Variants in SCAF11 observed in about 807,000 individuals in gnomAD.
SCAF11 encodes SR-related CTD associated factor 11.
SCAF11 carries 47 observed loss-of-function variants against 140.5 expected under a neutral mutation model. The ratio of observed to expected loss-of-function variants is 0.33; its 90% CI spans 0.26 to 0.43. SCAF11 has a LOEUF of 0.43. Ranked by LOEUF, SCAF11 falls within the 20% of genes least tolerant of loss-of-function variation. The pLI, the probability that SCAF11 is intolerant of heterozygous loss-of-function variation, is 1.00. For missense variants in SCAF11, 1,645 were observed against 1,705.1 expected, an observed-to-expected ratio of 0.96 and a Z score of 0.62; for synonymous variants, 557 against 579.4, an observed-to-expected ratio of 0.96 and a Z score of 0.55.
Position 45,933,189 on chromosome 12 carries a change from G to T in SCAF11, c.676C>A (p.Gln226Lys). ...EASEISALIRQKRHELELSWF... is the reference protein window; with the variant it reads ...EASEISALIRKKRHELELSWF... ...GACAATTCCAGTTCATGTCTCTTCT[G>T]CCTAATCAATGCACTGATTTCACTG... is the stretch of plus-strand genomic sequence containing the variant. Residue 226 changes from glutamine (Q) to lysine (K), a missense_variant, in exon 9 of 15, where the codon CAG becomes AAG. Physicochemically the swap from Gln to Lys is moderately conservative, Grantham distance 53. This residue lies in a region of SCAF11 where 1,582 missense variants were observed against 1,609.2 expected (regional missense o/e 0.98). Coordinates refer to ENST00000369367, the MANE Select transcript of SCAF11 (RefSeq NM_004719.3). The T allele has an allele frequency of 6.2e-7, 1 of 1,611,454 alleles. No homozygotes were observed. The highest frequency in any genetic ancestry group is 1.1e-5 in the South Asian group (1 of 90,940).
At chr12:45,989,702 A>G (rs1946543305) in intron 1 of SCAF11, among the ~76,000 whole-genome samples, 1 of 152,244 alleles carries the variant, frequency 6.6e-6, no homozygotes. Context: ...CAGCCCAGGT[A>G]GCGAATTTAA....
At chr12:45,986,062 G>A (rs1477318096) in intron 1 of SCAF11, among the ~76,000 whole-genome samples, 2 of 152,080 alleles carry the variant, frequency 1.3e-5, no homozygotes, top group Admixed American at 6.6e-5. Context: ...AAATGTTAGA[G>A]GTCATTGTGG....
intron 1 of SCAF11, among the ~76,000 whole-genome samples, chr12:45,972,418 C>A (rs891216319): frequency 6.6e-6 from 1 of 151,550 alleles, no homozygotes; most frequent in Non-Finnish European, 1.5e-5. Context: ...CCTCTCTCTA[C>A]AAAAAATAGA....
chr12:45,932,372 G>A (rs777175372), intron 9 of SCAF11, among the ~76,000 whole-genome samples: 1 of 152,000 alleles, frequency 6.6e-6, no homozygotes, highest in Non-Finnish European at 1.5e-5. Flanking sequence ...AGATTCTGGA[G>A]TAGGAGAAGC....
At chr12:45,980,572 T>C (rs984083497) in intron 1 of SCAF11, among the ~76,000 whole-genome samples, 1 of 152,192 alleles carries the variant, frequency 6.6e-6, no homozygotes, top group African/African-American at 2.4e-5. Context: ...GGCTCCCTTA[T>C]GCTCTTAACC....
chr12:45,972,516 T>G (rs980441055), intron 1 of SCAF11, among the ~76,000 whole-genome samples: 1 of 148,724 alleles, frequency 6.7e-6, no homozygotes, highest in Admixed American at 6.8e-5. Context: ...GCCCAGGAGT[T>G]GAAGGATGAA....
intron 3 of SCAF11, among the ~76,000 whole-genome samples, chr12:45,954,417 CAT>C (rs1416312702): frequency 6.6e-6 from 1 of 151,530 alleles, no homozygotes; most frequent in African/African-American, 2.4e-5. Flanking sequence ...TTGTATTTTT[CAT>C]AGAGATGGGG....
In SCAF11 at chr12:45,927,155, T is replaced by G; in HGVS notation, c.2546A>C (p.Gln849Pro). 1 of 1,614,128 alleles carries G rather than the reference T, an allele frequency of 6.2e-7. No individual in the cohort carries two copies. The highest frequency in any genetic ancestry group is 1.3e-5 in the African/African-American group (1 of 75,038). ...SARGRKKSRSQSPKKDIARER... is the reference protein window; with the variant it reads ...SARGRKKSRSPSPKKDIARER... ...TCTTGCAATATCCTTTTTTGGGGACTGAGAACGGGATTTTTTCCGGCCTCT... is the reference window on the plus strand; with the variant it reads ...TCTTGCAATATCCTTTTTTGGGGACGGAGAACGGGATTTTTTCCGGCCTCT... Residue 849 changes from glutamine (Q) to proline (P), a missense_variant, in exon 11 of 15, where the codon CAG (glutamine) becomes CCG (proline). Transcript: ENST00000369367.
chr12:45,969,358 T>C (rs1296911488), intron 1 of SCAF11, among the ~76,000 whole-genome samples: 1 of 152,222 alleles, frequency 6.6e-6, no homozygotes, highest in African/African-American at 2.4e-5. Flanking sequence ...TTCCAAAGTC[T>C]GTTTCTTTCT....
chr12:45,990,615 C>T, upstream of SCAF11: 1 of 1,215,638 alleles, frequency 8.2e-7, no homozygotes, highest in Non-Finnish European at 1.0e-6. Context: ...CTCCCCTCCC[C>T]TCCCTGCGCG....
intron 5 of SCAF11, among the ~76,000 whole-genome samples, chr12:45,945,760 T>C (rs1013001527): frequency 3.9e-5 from 6 of 152,092 alleles, no homozygotes; most frequent in African/African-American, 1.2e-4. Context: ...CTTGAACTCC[T>C]GGGCTCAAGT....
At chr12:45,972,953 TATATAGATA>T (rs1946135044) in intron 1 of SCAF11, among the ~76,000 whole-genome samples, 1 of 138,322 alleles carries the variant, frequency 7.2e-6, no homozygotes, top group African/African-American at 2.7e-5. Context: ...TATATATAGA[TATATAGATA>T]TATATATAGA....
intron 1 of SCAF11, among the ~76,000 whole-genome samples, chr12:45,967,006 A>G (rs932849031): frequency 3.3e-5 from 5 of 152,176 alleles, no homozygotes. Flanking sequence ...ATGTAACGCA[A>G]TGATTTATTT....
intron 1 of SCAF11, among the ~76,000 whole-genome samples, chr12:45,967,549 CAGG>C (rs1246040813): frequency 6.6e-6 from 1 of 152,222 alleles, no homozygotes; most frequent in African/African-American, 2.4e-5. Flanking sequence ...GAGGGTGAGG[CAGG>C]AGAATTGCTT....
chr12:45,928,023 C>T lies in SCAF11; in HGVS notation c.1678G>A (p.Val560Met), dbSNP rs201926084. 6.2e-7 allele frequency: 1 copy of T among 1,613,394 alleles called. No individual in the cohort carries two copies. The highest frequency in any genetic ancestry group is 1.3e-5 in the African/African-American group (1 of 75,058). Residue 560 changes from valine to methionine, a missense_variant, in exon 11 of 15, where the codon GTG (valine) becomes ATG (methionine). Coordinates refer to ENST00000369367, the MANE Select transcript of SCAF11 (RefSeq NM_004719.3). Reference protein sequence around the residue: ...FPTCLTSESKVYQPVSCPLSD... With the variant: ...FPTCLTSESKMYQPVSCPLSD... ...AGGGGACAAGATACAGGTTGGTACACTTTGCTTTCAGATGTTAAACATGTA... is the reference window on the plus strand; with the variant it reads ...AGGGGACAAGATACAGGTTGGTACATTTTGCTTTCAGATGTTAAACATGTA...
In SCAF11 at chr12:45,927,162, G is replaced by A. The variant is rs1167020694; in HGVS notation, c.2539C>T (p.Arg847Cys). 16 of 1,613,878 alleles carry A rather than the reference G, an allele frequency of 9.9e-6. No individual in the cohort carries two copies. The highest frequency in any genetic ancestry group is 1.6e-4 in the Middle Eastern group (1 of 6,084). Residue 847 changes from arginine (R) to cysteine (C), a missense_variant, in exon 11 of 15, where the codon CGT (arginine) becomes TGT (cysteine). Physicochemically the swap from Arg to Cys is radical, Grantham distance 180. Around this residue, in one of 2 missense-constraint regions of SCAF11, gnomAD observed 1,582 missense variants for 1,609.2 expected, o/e 0.98. Transcript: ENST00000369367. ...ATATCCTTTTTTGGGGACTGAGAACGGGATTTTTTCCGGCCTCTGGCTGAC... is the reference window on the plus strand; with the variant it reads ...ATATCCTTTTTTGGGGACTGAGAACAGGATTTTTTCCGGCCTCTGGCTGAC... Reference protein sequence around the residue: ...NESARGRKKSRSQSPKKDIAR... With the variant: ...NESARGRKKSCSQSPKKDIAR...
chr12:45,988,173 G>A (rs1946504439), intron 1 of SCAF11, among the ~76,000 whole-genome samples: 1 of 152,192 alleles, frequency 6.6e-6, no homozygotes, highest in African/African-American at 2.4e-5. Context: ...GGCAAGGTAA[G>A]TCAAGGTACA....
At position 45,921,632 on chromosome 12, in the gene SCAF11, A is replaced by T. The variant is rs1944716843; in HGVS notation, c.*416T>A. On this transcript the variant is annotated 3_prime_UTR_variant, in exon 15 of 15. Transcript: ENST00000369367. Reference sequence around the variant, plus strand: ...TTTAACTTTCTATAATTAGAGGGAAAAAATCATAAAGATCATACTTTACAT... The same window carrying T: ...TTTAACTTTCTATAATTAGAGGGAATAAATCATAAAGATCATACTTTACAT... 1.3e-5 allele frequency: 2 copies of T among 153,410 alleles called. No homozygotes were observed. The highest frequency in any genetic ancestry group is 2.9e-5 in the Non-Finnish European group (2 of 68,962). 9.5% of individuals were successfully genotyped at this position (153,410 alleles called of 1,614,324 possible).
Position 45,927,992 on chromosome 12 carries a change from T to C in SCAF11, c.1709A>G (p.Asp570Gly), listed in dbSNP as rs144878744. The stretch of plus-strand genomic sequence containing the variant: ...CACTGACTCTACATTCTCAGATAAG[T>C]CACTTAGGGGACAAGATACAGGTTG... ...VYQPVSCPLS[D>G]LSENVESVVN... The change falls in exon 11 of 15, where the codon GAC (aspartate) becomes GGC (glycine). Residue 570 changes from aspartate (D) to glycine (G), a missense_variant. By Grantham distance (94) the Asp-to-Gly change is moderately conservative. Coordinates refer to ENST00000369367, the MANE Select transcript of SCAF11 (RefSeq NM_004719.3). 6.8e-6 allele frequency: 11 copies of C among 1,613,052 alleles called. No homozygotes were observed. In the African/African-American group the frequency reaches 1.2e-4, roughly 18 times the overall value.
Sources: allele counts gnomAD v4.1 joint callset (sites outside exome capture counted in the v4.1 genomes callset), GRCh38; gene constraint gnomAD v4.1.1; regional missense constraint gnomAD v4.1.1; transcripts MANE v1.5; gene names NCBI Gene and HGNC (gene_info 2026-07-23, HGNC 2026-07-21).